KCNH1: variants seen among roughly 807,000 people sequenced by gnomAD.
KCNH1 encodes potassium voltage-gated channel subfamily H member 1.
Under a neutral mutation model 69.2 loss-of-function variants are expected in KCNH1, and 27 were observed. The ratio of observed to expected loss-of-function variants is 0.39; its 90% CI spans 0.29 to 0.54. The LOEUF is 0.54. KCNH1 is among the 20% of genes least tolerant of loss of function. KCNH1 has a pLI of 0.68. For synonymous variants in KCNH1, 456 were observed against 487.7 expected (o/e 0.93, Z 0.86); for missense variants, 798 against 1,261.6 (o/e 0.63, Z 5.57).
At chr1:210,701,569 G>A (rs1000969156) in intron 10 of KCNH1, among the ~76,000 whole-genome samples, 2 of 152,144 alleles carry the variant, frequency 1.3e-5, no homozygotes, top group Non-Finnish European at 2.9e-5. Flanking sequence ...GCTTGGACAA[G>A]CCTTCTTTTT....
intron 6 of KCNH1, among the ~76,000 whole-genome samples, chr1:211,015,708 T>C (rs1285114195): frequency 1.3e-5 from 2 of 152,218 alleles, no homozygotes; most frequent in African/African-American, 4.8e-5. Context: ...GGTATAGTAG[T>C]ATTATCCCCA....
intron 10 of KCNH1, among the ~76,000 whole-genome samples, chr1:210,757,104 A>G (rs1050731278): frequency 7.2e-5 from 11 of 152,200 alleles, no homozygotes; most frequent in Non-Finnish European, 1.0e-4. Flanking sequence ...CTAGGAGTGC[A>G]GTCCTGGCCA....
intron 10 of KCNH1, among the ~76,000 whole-genome samples, chr1:210,722,293 T>C (rs1280615998): frequency 6.6e-6 from 1 of 152,156 alleles, no homozygotes; most frequent in East Asian, 1.9e-4. Flanking sequence ...CTGTTTTGGC[T>C]TCAGTGTTTC....
At chr1:210,997,902 C>A (rs1689084510) in intron 6 of KCNH1, among the ~76,000 whole-genome samples, 1 of 152,164 alleles carries the variant, frequency 6.6e-6, no homozygotes, top group Admixed American at 6.5e-5. Flanking sequence ...ATTTCATATC[C>A]AGCCAAACTA....
intron 6 of KCNH1, among the ~76,000 whole-genome samples, chr1:210,977,005 A>G (rs1262235021): frequency 2.0e-5 from 3 of 152,090 alleles, no homozygotes; most frequent in Non-Finnish European, 4.4e-5. Context: ...ACACATGCAC[A>G]TGTATGTTTA....
chr1:211,062,158 T>A (rs766271345), intron 5 of KCNH1, among the ~76,000 whole-genome samples: 5 of 151,904 alleles, frequency 3.3e-5, no homozygotes, highest in Non-Finnish European at 7.4e-5. Context: ...CGGAAATAAA[T>A]CCATACTTCT....
intron 7 of KCNH1, among the ~76,000 whole-genome samples, chr1:210,823,833 G>A (rs955602576): frequency 6.6e-6 from 1 of 152,118 alleles, no homozygotes; most frequent in Non-Finnish European, 1.5e-5. Context: ...CTTTATTACT[G>A]TACTGGCCCT....
At chr1:210,802,861 G>A (rs1168022331) in intron 8 of KCNH1, among the ~76,000 whole-genome samples, 1 of 152,034 alleles carries the variant, frequency 6.6e-6, no homozygotes, top group African/African-American at 2.4e-5. Context: ...TGCATGGCAC[G>A]TGTATACCTG....
At chr1:210,868,836 G>T (rs1028112363) in intron 7 of KCNH1, among the ~76,000 whole-genome samples, 80 of 151,984 alleles carry the variant, frequency 5.3e-4, no homozygotes, top group African/African-American at 1.9e-3. Context: ...AACCTTTTGG[G>T]ATTTGCTGTT....
chr1:210,802,321 C>T (rs1684445947), intron 8 of KCNH1, among the ~76,000 whole-genome samples: 1 of 152,214 alleles, frequency 6.6e-6, no homozygotes, highest in Non-Finnish European at 1.5e-5. Context: ...AGACTAGGAA[C>T]ATAAGTAGCT....
intron 5 of KCNH1, among the ~76,000 whole-genome samples, chr1:211,075,294 A>G (rs1690713485): frequency 1.3e-5 from 2 of 152,184 alleles, no homozygotes; most frequent in African/African-American, 4.8e-5. Context: ...CCCCATCTCC[A>G]CTGTTGACAA....
At chr1:210,906,570 A>T (rs565368633) in intron 7 of KCNH1, among the ~76,000 whole-genome samples, 1 of 152,330 alleles carries the variant, frequency 6.6e-6, no homozygotes, top group African/African-American at 2.4e-5. Context: ...ACTATTTCTT[A>T]TGCCTTCTCG....
chr1:211,103,414 C>T, intron 3 of KCNH1, 82 bp downstream of exon 3: 1 of 897,664 alleles, frequency 1.1e-6, no homozygotes, highest in Non-Finnish European at 1.7e-6. Flanking sequence ...AGAAGAAAAA[C>T]CAAGACAGCA....
At chr1:211,119,834 TAA>T (rs1398499920) in intron 1 of KCNH1, among the ~76,000 whole-genome samples, 2 of 152,216 alleles carry the variant, frequency 1.3e-5, no homozygotes, top group Non-Finnish European at 2.9e-5. Flanking sequence ...CATTTTTTAT[TAA>T]GTCAGTAAAT....
chr1:210,962,729 C>T (rs530952664), intron 6 of KCNH1, among the ~76,000 whole-genome samples: 1 of 151,624 alleles, frequency 6.6e-6, no homozygotes, highest in Admixed American at 6.6e-5. Context: ...TGAACATGCC[C>T]CTGATGCAAC....
At chr1:210,758,939 C>T (rs1176796780) in intron 10 of KCNH1, among the ~76,000 whole-genome samples, 2 of 152,142 alleles carry the variant, frequency 1.3e-5, no homozygotes, top group Non-Finnish European at 2.9e-5. Flanking sequence ...GCCTGAATTA[C>T]ATCACCAAAC....
chr1:210,876,475 A>G (rs1159841064), intron 7 of KCNH1, among the ~76,000 whole-genome samples: 3 of 152,138 alleles, frequency 2.0e-5, no homozygotes, highest in Non-Finnish European at 4.4e-5. Context: ...CTAGGATTCA[A>G]TTCCTCACTC....
chr1:210,709,103 C>T (rs1164283086), intron 10 of KCNH1, among the ~76,000 whole-genome samples: 7 of 152,064 alleles, frequency 4.6e-5, no homozygotes, highest in African/African-American at 1.7e-4. Flanking sequence ...ATACAAAAAT[C>T]AGCCAGGCAA....
rs931319400 is a variant in KCNH1, at chr1:210,849,765, C to A, written c.1463-45599G>T. ...GGAGAAGAAGGAGCTCCATCTACCC[C>A]ACCCCTTTCCCAAACTTGCCCACAG... On this transcript the variant is annotated intron_variant, in intron 7 of 10. Coordinates refer to ENST00000271751, the MANE Select transcript of KCNH1 (RefSeq NM_172362.3). Among the ~76,000 whole-genome samples the A allele has an allele frequency of 1.1e-4, 16 of 152,160 alleles. No individual in the cohort carries two copies. The Middle Eastern group carries it at 0.01, about 97-fold the overall frequency.
Sources: gnomAD v4.1 joint callset for allele counts (sites outside exome capture counted in the v4.1 genomes callset) on GRCh38, gnomAD v4.1.1 for gene constraint, MANE v1.5 for transcripts, NCBI Gene and HGNC (gene_info 2026-07-23, HGNC 2026-07-21) for gene names.